The following ASAP1 variants were observed in gnomAD, a reference collection of about 807,000 sequenced individuals.
ASAP1 encodes the protein arf-GAP with SH3 domain, ANK repeat and PH domain-containing protein 1.
A neutral mutation model predicts 145.2 loss-of-function variants in ASAP1; 43 were observed. That is an observed-to-expected ratio of 0.30 (90% CI 0.23 to 0.38). ASAP1 has a LOEUF of 0.38. Ranked by LOEUF, ASAP1 falls within the 10% of genes least tolerant of loss-of-function variation. ASAP1 has a pLI of 1.00. For synonymous variants in ASAP1, 546 were observed against 515.5 expected (o/e 1.06, Z -0.80); for missense variants, 1,018 against 1,355.3 (o/e 0.75, Z 3.91).
At chr8:130,215,233 T>C (rs924971726) in intron 4 of ASAP1, among the ~76,000 whole-genome samples, 1 of 152,144 alleles carries the variant, frequency 6.6e-6, no homozygotes, top group Non-Finnish European at 1.5e-5. Flanking sequence ...TTAGCTCATT[T>C]ATAGTCCAGT....
chr8:130,349,045 T>C (rs1288889339), intron 3 of ASAP1, among the ~76,000 whole-genome samples: 2 of 152,120 alleles, frequency 1.3e-5, no homozygotes, highest in East Asian at 1.9e-4. Flanking sequence ...GGCAATGAGG[T>C]TGCACTGGTA....
At position 130,064,893 on chromosome 8, in the gene ASAP1, ATGTGTG is replaced by A. The variant is rs34905534; in HGVS notation, c.2702-3830_2702-3825del. ...ACCTAAGTTTATCAGTTTACTAAGA[ATGTGTG>A]TGTGTGTGTGTGTGTGTGTGTGTGT... On this transcript the variant is annotated intron_variant, in intron 27 of 29. Transcript: ENST00000518721. Among the ~76,000 whole-genome samples, 1,246 of 142,640 alleles carry A rather than the reference ATGTGTG, an allele frequency of 8.7e-3. 10 individuals are homozygous for A. The highest frequency in any genetic ancestry group is 0.06 in the South Asian group (262 of 4,342). The allele number at this position is 142,640 out of a possible 152,430, so 93.6% of individuals were successfully genotyped here. A position where few individuals can be genotyped will look rare whatever the true frequency, so the allele number is the denominator to read the frequency against.
At chr8:130,070,212 AT>A (rs1431814777) in intron 27 of ASAP1, among the ~76,000 whole-genome samples, 1 of 151,772 alleles carries the variant, frequency 6.6e-6, no homozygotes, top group Non-Finnish European at 1.5e-5. Context: ...AATTTTTTCT[AT>A]TTTTTAGTAG....
chr8:130,147,859 C>G (rs1586441423), intron 13 of ASAP1, among the ~76,000 whole-genome samples: 2 of 152,234 alleles, frequency 1.3e-5, no homozygotes, highest in South Asian at 4.2e-4. Flanking sequence ...AACACCAGAC[C>G]TTAATGAACT....
In ASAP1 at chr8:130,116,988, G is replaced by A. The variant is rs778722561; in HGVS notation, c.1888C>T (p.Leu630=). The stretch of plus-strand genomic sequence containing the variant: ...TTTCCCAGGGCCGTCTGCTTATCCA[G>A]GTTCCCACTGAAAAATTAGATGATG... ...VDFLVQNCGN[L]DKQTALGNTV... Residue 630 remains leucine (L), a synonymous_variant, in exon 21 of 30, where the codon CTG becomes TTG. Transcript: ENST00000518721. 1 of 1,600,382 alleles carries A rather than the reference G, an allele frequency of 6.2e-7. No homozygotes were observed. Among genetic ancestry groups the A allele is most frequent in the Non-Finnish European group, 8.5e-7 (1 of 1,174,662 alleles).
chr8:130,152,934 A>G lies in ASAP1; in HGVS notation c.1011-129T>C, dbSNP rs1366487227. 11 of 621,830 alleles carry G rather than the reference A, an allele frequency of 1.8e-5. No individual in the cohort carries two copies. The East Asian group carries it at 3.2e-4, about 18-fold the overall frequency. The allele number at this position is 621,830 out of a possible 1,614,324, so 38.5% of individuals were successfully genotyped here. ...AACCAAAAAATCCAACCCCCCCAAA[A>G]AAATCCTGGTTGCCTTTTATTATCC... On this transcript the variant is annotated intron_variant, in intron 12 of 29. Coordinates refer to ENST00000518721, the MANE Select transcript of ASAP1 (RefSeq NM_018482.4).
chr8:130,220,550 A>C (rs1817228454), intron 4 of ASAP1, among the ~76,000 whole-genome samples: 1 of 152,174 alleles, frequency 6.6e-6, no homozygotes, highest in Non-Finnish European at 1.5e-5. Flanking sequence ...AAGAAACAGC[A>C]AGGTGGCTGG....
rs2097398193 is a variant in ASAP1 at position 130,053,948 on chromosome 8, G to C, written c.*783C>G. The C allele has an allele frequency of 6.6e-6, 1 of 152,576 alleles. No homozygotes were observed. The highest frequency in any genetic ancestry group is 1.5e-5 in the Non-Finnish European group (1 of 68,038). The allele number at this position is 152,576 out of a possible 1,614,324, so 9.5% of individuals were successfully genotyped here. ...TTCTAAATGCATGCGTAATGTAGAGGCTAATATTTTCTGGCAGTCCTTGGT... is the reference window on the plus strand; with the variant it reads ...TTCTAAATGCATGCGTAATGTAGAGCCTAATATTTTCTGGCAGTCCTTGGT... On this transcript the variant is annotated 3_prime_UTR_variant, in exon 30 of 30. Coordinates refer to ENST00000518721, the MANE Select transcript of ASAP1 (RefSeq NM_018482.4).
intron 2 of ASAP1, chr8:130,360,566 A>C (rs1826663995): frequency 6.6e-6 from 1 of 152,228 alleles, no homozygotes; most frequent in African/African-American, 2.4e-5. Flanking sequence ...CCAGCTAATT[A>C]AAGGGAAATT....
intron 3 of ASAP1, among the ~76,000 whole-genome samples, chr8:130,337,147 C>G (rs1825087241): frequency 6.6e-6 from 1 of 152,050 alleles, no homozygotes; most frequent in African/African-American, 2.4e-5. Flanking sequence ...GAAAATAATG[C>G]CACAGGTTGG....
At chr8:130,410,526 C>T (rs1303291839) in intron 1 of ASAP1, among the ~76,000 whole-genome samples, 1 of 152,256 alleles carries the variant, frequency 6.6e-6, no homozygotes, top group Non-Finnish European at 1.5e-5. Flanking sequence ...TGGGCCACCA[C>T]AAATTATACA....
At chr8:130,328,228 G>C (rs568510984) in intron 3 of ASAP1, among the ~76,000 whole-genome samples, 4 of 152,236 alleles carry the variant, frequency 2.6e-5, no homozygotes, top group African/African-American at 9.6e-5. Flanking sequence ...AAAGGCTTGA[G>C]CAAGTTCACA....
chr8:130,420,533 A>G (rs143053690), intron 1 of ASAP1, among the ~76,000 whole-genome samples: 1 of 152,276 alleles, frequency 6.6e-6, no homozygotes, highest in Non-Finnish European at 1.5e-5. Flanking sequence ...CCTATCAGCC[A>G]AGGAATGGAA....
intron 11 of ASAP1, chr8:130,163,197 T>C (rs1485687592): frequency 2.6e-5 from 4 of 152,292 alleles, no homozygotes; most frequent in Non-Finnish European, 4.4e-5. Context: ...AACAAGCAAC[T>C]GTGTATCTCT....
At chr8:130,337,269 C>G (rs1469474857) in intron 3 of ASAP1, among the ~76,000 whole-genome samples, 1 of 152,196 alleles carries the variant, frequency 6.6e-6, no homozygotes. Flanking sequence ...CATCTTAACT[C>G]CAATTGAGTG....
At chr8:130,369,405 G>A (rs2138269232) in intron 2 of ASAP1, among the ~76,000 whole-genome samples, 1 of 152,238 alleles carries the variant, frequency 6.6e-6, no homozygotes, top group South Asian at 2.1e-4. Flanking sequence ...ATCTCATGTT[G>A]GCATTCAAAA....
chr8:130,439,971 T>G (rs1319897039), intron 1 of ASAP1, among the ~76,000 whole-genome samples: 1 of 152,124 alleles, frequency 6.6e-6, no homozygotes, highest in Non-Finnish European at 1.5e-5. Flanking sequence ...CCTCCTAGTC[T>G]TCCTGTCTCC....
chr8:130,065,702 G>A (rs2097429320), intron 27 of ASAP1, among the ~76,000 whole-genome samples: 1 of 152,300 alleles, frequency 6.6e-6, no homozygotes, highest in Admixed American at 6.5e-5. Context: ...CAGAACATTT[G>A]TTGTAGCATT....
chr8:130,057,682 T>G (rs112692461), intron 29 of ASAP1, among the ~76,000 whole-genome samples: 1 of 152,332 alleles, frequency 6.6e-6, no homozygotes, highest in Admixed American at 6.5e-5. Flanking sequence ...ACTCCCGACC[T>G]CGAGATCCAT....
Sources: gnomAD v4.1 joint callset for allele counts (sites outside exome capture counted in the v4.1 genomes callset) on GRCh38, gnomAD v4.1.1 for gene constraint, MANE v1.5 for transcripts, NCBI Gene and HGNC (gene_info 2026-07-23, HGNC 2026-07-21) for gene names.